Variants in AOC1 observed in about 807,000 individuals in gnomAD.
AOC1 encodes amine oxidase copper containing 1.
Under a neutral mutation model 57.1 loss-of-function variants are expected in AOC1, and 58 were observed. That is an observed-to-expected ratio of 1.02 (90% CI 0.82 to 1.26). AOC1 has a LOEUF of 1.26. Ranked by LOEUF, AOC1 falls within the 50% of genes most tolerant of loss-of-function variation. AOC1 has a pLI of 0.00. For missense variants in AOC1, 917 were observed against 1,005.3 expected, an observed-to-expected ratio of 0.91 and a Z score of 1.19; for synonymous variants, 401 against 423.4, an observed-to-expected ratio of 0.95 and a Z score of 0.65.
At position 150,858,915 on chromosome 7, in the gene AOC1, A is replaced by C. The variant is rs752641361; in HGVS notation, c.1723A>C (p.Lys575Gln). Residue 575 changes from lysine to glutamine, a missense_variant, in exon 3 of 5, where the codon AAG (lysine) becomes CAG (glutamine). Lys to Gln is a moderately conservative substitution (Grantham distance 53, BLOSUM62 1). Transcript: ENST00000360937. The stretch of plus-strand genomic sequence containing the variant: ...CTTCCGCTTCAAAAGGAAGCTGCCT[A>C]AGTACCTGCTCTTTACCAGCCCCCA... The part of the protein sequence containing the change: ...AAFRFKRKLP[K>Q]YLLFTSPQEN... 6.2e-7 allele frequency: 1 copy of C among 1,612,864 alleles called. No individual in the cohort carries two copies. The highest frequency in any genetic ancestry group is 8.5e-7 in the Non-Finnish European group (1 of 1,179,354).
Position 150,856,617 on chromosome 7 carries a change from G to A in AOC1, c.147G>A (p.Trp49Ter). The A allele has an allele frequency of 6.2e-7, 1 of 1,614,120 alleles. No homozygotes were observed. ...TGAAGGCAGTGCACAGCTTCCTCTG[G>A]TCCAAGAAGGAGCTGAGGCTGCAGC... ...QELKAVHSFL[W>*]SKKELRLQPS... Residue 49 changes from tryptophan (W) to a stop codon, truncating the protein, a stop_gained, in exon 2 of 5, where the codon TGG becomes TGA. Coordinates refer to ENST00000360937, the MANE Select transcript of AOC1 (RefSeq NM_001091.4). LOFTEE classifies it high-confidence loss of function. The surrounding 1 kb of genome is among the most constrained non-coding windows in gnomAD (Gnocchi z 5.2).
intron 2 of AOC1, among the ~76,000 whole-genome samples, chr7:150,858,338 G>T (rs988176344): frequency 6.6e-6 from 1 of 152,184 alleles, no homozygotes; most frequent in Non-Finnish European, 1.5e-5. Context: ...CTAGCGCTTT[G>T]AGATGGAGTG....
chr7:150,853,286 T>A (rs919753786), intron 1 of AOC1, among the ~76,000 whole-genome samples: 9 of 152,116 alleles, frequency 5.9e-5, no homozygotes, highest in African/African-American at 1.9e-4. Flanking sequence ...GATGTGCAGG[T>A]TCATCAGCCA....
chr7:150,860,348 C>T, intron 3 of AOC1, 153 bp from the exon 4 acceptor site: 3 of 1,360,992 alleles, frequency 2.2e-6, no homozygotes, highest in South Asian at 2.7e-5. Context: ...CGGTTAACAG[C>T]AGCCCGTCCT....
intron 3 of AOC1, among the ~76,000 whole-genome samples, chr7:150,860,176 C>CA (rs367755737): frequency 9.0e-5 from 13 of 145,234 alleles, no homozygotes; most frequent in South Asian, 2.2e-4. Context: ...AAAACTCCAT[C>CA]AAAAAAAAAG....
In AOC1 at chr7:150,861,392, A is replaced by G; in HGVS notation, c.*183A>G. 1.7e-6 allele frequency: 1 copy of G among 599,140 alleles called. No individual in the cohort carries two copies. Among genetic ancestry groups the G allele is most frequent in the Non-Finnish European group, 2.8e-6 (1 of 362,088 alleles). The allele number at this position is 599,140 out of a possible 1,614,324, so 37.1% of individuals were successfully genotyped here. ...GACGTGCACACACACACAGACATGC[A>G]CACACACACAGACGTGCACACACAC... On this transcript the variant is annotated 3_prime_UTR_variant, in exon 5 of 5. Coordinates refer to ENST00000360937, the MANE Select transcript of AOC1 (RefSeq NM_001091.4). This position sits in a 1 kb window ranked among gnomAD's most constrained non-coding sequence, Gnocchi z 4.5.
At chr7:150,854,905 G>C (rs1799728621) in intron 1 of AOC1, among the ~76,000 whole-genome samples, 1 of 152,164 alleles carries the variant, frequency 6.6e-6, no homozygotes, top group Non-Finnish European at 1.5e-5. Context: ...AAGAGGCTGG[G>C]CCAGGCAGAG....
chr7:150,856,114 G>C lies in AOC1; in HGVS notation c.-16-341G>C, dbSNP rs891287249. ...TCCAGGACACAAGAAGCACCTGGGG[G>C]CATGTGCAGGGGCCCAGCCTGGCCT... On this transcript the variant is annotated intron_variant, in intron 1 of 4. Transcript: ENST00000360937. This position sits in a 1 kb window ranked among gnomAD's most constrained non-coding sequence, Gnocchi z 5.2. 6.6e-6 allele frequency among the ~76,000 whole-genome samples: 1 copy of C among 152,198 alleles called. No homozygotes were observed. The highest frequency in any genetic ancestry group is 2.1e-4 in the South Asian group (1 of 4,838).
intron 1 of AOC1, among the ~76,000 whole-genome samples, chr7:150,853,695 A>ATATATATATATATATATATT (rs1244012491): frequency 1.2e-5 from 1 of 84,304 alleles, no homozygotes; most frequent in Non-Finnish European, 2.2e-5. Flanking sequence ...ATATATATAT[A>ATATATATATATATATATATT]TATTTATTTA....
chr7:150,852,265 C>T (rs1476064701), upstream of AOC1: 6 of 152,200 alleles, frequency 3.9e-5, no homozygotes, highest in Non-Finnish European at 8.8e-5. This position sits in a 1 kb window ranked among gnomAD's most constrained non-coding sequence, Gnocchi z 4.6. Context: ...ATTAACAGAT[C>T]GTGGCATTGC....
chr7:150,859,200 A>C, intron 3 of AOC1, 152 bp downstream of exon 3: 1 of 939,992 alleles, frequency 1.1e-6, no homozygotes, highest in Non-Finnish European at 1.5e-6. Flanking sequence ...TTGACCCTGA[A>C]CAATATGGGG....
chr7:150,859,539 TA>T (rs1280435074), intron 3 of AOC1, among the ~76,000 whole-genome samples: 3 of 151,498 alleles, frequency 2.0e-5, no homozygotes, highest in Non-Finnish European at 4.4e-5. Flanking sequence ...TCATCTCTAC[TA>T]AAAACACAAA....
At chr7:150,860,120 A>C (rs1799923114) in intron 3 of AOC1, among the ~76,000 whole-genome samples, 1 of 151,938 alleles carries the variant, frequency 6.6e-6, no homozygotes, top group African/African-American at 2.4e-5. Flanking sequence ...CAGAGGTTGC[A>C]GTGAGCCAAG....
rs200206446 is a variant in AOC1, at chr7:150,857,063, G to A, written c.593G>A (p.Arg198His). ...CGGGGTGTGGCTTCTGGCCAGCGCC[G>A]CAGTTGGCTTATCATACAGCGCTAT... ...APRGVASGQR[R>H]SWLIIQRYVE... The change falls in exon 2 of 5, where the codon CGC (arginine) becomes CAC (histidine). Residue 198 changes from arginine (R) to histidine (H), a missense_variant. By Grantham distance (29) the Arg-to-His change is conservative. Coordinates refer to ENST00000360937, the MANE Select transcript of AOC1 (RefSeq NM_001091.4). The surrounding 1 kb of genome is among the most constrained non-coding windows in gnomAD (Gnocchi z 6.6). The A allele has an allele frequency of 1.3e-3, 2,040 of 1,614,076 alleles. 20 individuals carry two copies. The highest frequency in any genetic ancestry group is 9.5e-3 in the South Asian group (864 of 91,088).
At chr7:150,859,118 G>T in intron 3 of AOC1, 70 bp downstream of exon 3, 1 of 1,435,510 alleles carries the variant, frequency 7.0e-7, no homozygotes, top group Admixed American at 2.7e-5. Context: ...GTGTCTGTCT[G>T]TGTTTGTGTC....
At chr7:150,858,654 A>G (rs1268487437) in intron 2 of AOC1, 109 bp from the exon 3 acceptor site, 17 of 1,228,230 alleles carry the variant, frequency 1.4e-5, no homozygotes, top group Non-Finnish European at 1.7e-5. Context: ...CGGTTATTCA[A>G]GACAGTTGGC....
rs759777071 is a variant in AOC1, at chr7:150,858,775, G to T, written c.1583G>T (p.Ser528Ile). The change falls in exon 3 of 5, where the codon AGC becomes ATC. Residue 528 changes from serine (S) to isoleucine (I), a missense_variant. By Grantham distance (142) the Ser-to-Ile change is moderately radical. Coordinates refer to ENST00000360937, the MANE Select transcript of AOC1 (RefSeq NM_001091.4). ...VDLDVAGTKN[S>I]FQTLQMKLEN... Reference sequence around the variant, plus strand: ...TGCATACCTCCAGGCACCAAGAACAGCTTCCAGACACTGCAGATGAAGCTA... The same window carrying T: ...TGCATACCTCCAGGCACCAAGAACATCTTCCAGACACTGCAGATGAAGCTA... The T allele has an allele frequency of 1.2e-6, 2 of 1,602,862 alleles. No individual in the cohort carries two copies. Among genetic ancestry groups the T allele is most frequent in the Non-Finnish European group, 1.7e-6 (2 of 1,171,088 alleles).
chr7:150,854,447 G>C (rs146898741), intron 1 of AOC1, among the ~76,000 whole-genome samples: 1 of 152,206 alleles, frequency 6.6e-6, no homozygotes, highest in South Asian at 2.1e-4. Context: ...ACTGCCCATC[G>C]TGTACAAATT....
Position 150,861,220 on chromosome 7 carries a change from G to T in AOC1, c.*11G>T. On this transcript the variant is annotated 3_prime_UTR_variant, in exon 5 of 5. Coordinates refer to ENST00000360937, the MANE Select transcript of AOC1 (RefSeq NM_001091.4). This position sits in a 1 kb window ranked among gnomAD's most constrained non-coding sequence, Gnocchi z 4.5. ...TATAGACCTGTGTGACCAGCCCCCAGTTCCTCCCCCAGTTCCTCCCAGGAA... is the reference window on the plus strand; with the variant it reads ...TATAGACCTGTGTGACCAGCCCCCATTTCCTCCCCCAGTTCCTCCCAGGAA... The T allele has an allele frequency of 1.3e-6, 2 of 1,557,660 alleles. No homozygotes were observed. The highest frequency in any genetic ancestry group is 2.4e-5 in the South Asian group (2 of 83,804).
Sources: allele counts gnomAD v4.1 joint callset (sites outside exome capture counted in the v4.1 genomes callset), GRCh38; gene constraint gnomAD v4.1.1; non-coding constraint Gnocchi (gnomAD v3.1); transcripts MANE v1.5; gene names NCBI Gene and HGNC (gene_info 2026-07-23, HGNC 2026-07-21).